The following PCBP3 variants were observed in gnomAD, a reference collection of about 807,000 sequenced individuals.
PCBP3 encodes poly(rC) binding protein 3, also known as poly(rC)-binding protein 3.
Under a neutral mutation model 52.7 loss-of-function variants are expected in PCBP3, and 25 were observed. The observed-to-expected ratio is 0.47, with a 90% CI of 0.35 to 0.66. The LOEUF is 0.66. PCBP3 is among the 30% of genes least tolerant of loss of function. The probability of loss-of-function intolerance (pLI) is 0.01; values close to 1 mark genes in which losing one functional copy is unlikely to be tolerated. For missense variants in PCBP3, 391 were observed against 490.3 expected (o/e 0.80, Z 1.91); for synonymous variants, 162 against 183.0 (o/e 0.89, Z 0.93).
intron 4 of PCBP3, among the ~76,000 whole-genome samples, chr21:45,795,240 G>A (rs2091860451): frequency 6.6e-6 from 1 of 151,508 alleles, no homozygotes; most frequent in Non-Finnish European, 1.5e-5. Context: ...GTATGTTTAC[G>A]AGGAATTTGA....
chr21:45,648,448 C>T (rs2079466675), intron 1 of PCBP3, among the ~76,000 whole-genome samples: 1 of 152,184 alleles, frequency 6.6e-6, no homozygotes, highest in African/African-American at 2.4e-5. Flanking sequence ...ATCCCACTTC[C>T]AGTCTCTCTC....
intron 2 of PCBP3, among the ~76,000 whole-genome samples, chr21:45,687,760 C>T (rs1435519327): frequency 2.0e-5 from 3 of 150,812 alleles, no homozygotes; most frequent in East Asian, 1.9e-4. Context: ...GATGGAGTCT[C>T]GCTATGTTGC....
At chr21:45,859,874 TC>T (rs1381259523) in intron 5 of PCBP3, 1 of 152,142 alleles carries the variant, frequency 6.6e-6, no homozygotes. Context: ...ACCTTTAACT[TC>T]CTTTAAATGG....
chr21:45,730,925 A>C (rs749744669), intron 2 of PCBP3, among the ~76,000 whole-genome samples: 1 of 151,988 alleles, frequency 6.6e-6, no homozygotes, highest in Non-Finnish European at 1.5e-5. Context: ...TTATATTTAA[A>C]GTGGGTTTCT....
chr21:45,782,757 T>A (rs2090738878), intron 4 of PCBP3, among the ~76,000 whole-genome samples: 1 of 152,226 alleles, frequency 6.6e-6, no homozygotes, highest in Admixed American at 6.5e-5. Flanking sequence ...GGGCATATCA[T>A]TATTTGTTGC....
intron 1 of PCBP3, among the ~76,000 whole-genome samples, chr21:45,658,845 T>C (rs1469418448): frequency 6.6e-6 from 1 of 152,198 alleles, no homozygotes; most frequent in African/African-American, 2.4e-5. Flanking sequence ...TATCTTTACT[T>C]GTTTTAGGTT....
At chr21:45,782,354 TAAG>T (rs2090702754) in intron 4 of PCBP3, among the ~76,000 whole-genome samples, 1 of 152,178 alleles carries the variant, frequency 6.6e-6, no homozygotes, top group African/African-American at 2.4e-5. Flanking sequence ...TCATCTATAA[TAAG>T]AATCAAATGG....
chr21:45,914,419 T>G, intron 12 of PCBP3: 1 of 412,584 alleles, frequency 2.4e-6, no homozygotes. Context: ...GACATCCGTG[T>G]TCCCAAACTC....
intron 2 of PCBP3, among the ~76,000 whole-genome samples, chr21:45,697,370 C>T (rs1236693510): frequency 6.6e-6 from 1 of 152,192 alleles, no homozygotes; most frequent in Non-Finnish European, 1.5e-5. Context: ...TATGCTCCAG[C>T]ACAAACTTGT....
At chr21:45,785,523 C>G (rs906188468) in intron 4 of PCBP3, among the ~76,000 whole-genome samples, 1 of 148,714 alleles carries the variant, frequency 6.7e-6, no homozygotes, top group Non-Finnish European at 1.5e-5. Flanking sequence ...GGGGTCAGCC[C>G]CCCGCCCGGC....
At chr21:45,669,217 C>T (rs988525974) in intron 2 of PCBP3, among the ~76,000 whole-genome samples, 12 of 152,116 alleles carry the variant, frequency 7.9e-5, no homozygotes, top group Admixed American at 6.6e-4. Context: ...ATTTTGGCCA[C>T]TCCACTTTAC....
rs531684565 is a variant in PCBP3, at chr21:45,877,661, C to T, written c.11-18547C>T. ...TCTACTAAAAATACAAAAAATTAGC[C>T]GGGTGTGATGGTGGCACGCCTGTAG... On this transcript the variant is annotated intron_variant, in intron 5 of 17. Coordinates refer to ENST00000681687, the MANE Select transcript of PCBP3 (RefSeq NM_001384156.1). Among the ~76,000 whole-genome samples, 14 of 152,248 alleles carry T rather than the reference C, an allele frequency of 9.2e-5. No homozygotes were observed. In the East Asian group the frequency reaches 2.1e-3, roughly 23 times the overall value.
In PCBP3 at chr21:45,827,733, A is replaced by C. The variant is rs774440109; in HGVS notation, c.-125-22228A>C. Among the ~76,000 whole-genome samples, 23 of 152,232 alleles carry C rather than the reference A, an allele frequency of 1.5e-4. 1 individual carries two copies. Among genetic ancestry groups the C allele is most frequent in the Admixed American group, 1.2e-3 (18 of 15,284 alleles). On this transcript the variant is annotated intron_variant, in intron 4 of 17. Coordinates refer to ENST00000681687, the MANE Select transcript of PCBP3 (RefSeq NM_001384156.1). This position sits in a 1 kb window ranked among gnomAD's most constrained non-coding sequence, Gnocchi z 4.3. ...GAACTCAGGGTCCCAGGGAAGTCCA[A>C]GGACTCACTCTTCATGAGACCTCAA...
chr21:45,692,092 G>C (rs1323099292), intron 2 of PCBP3, among the ~76,000 whole-genome samples: 1 of 152,150 alleles, frequency 6.6e-6, no homozygotes, highest in African/African-American at 2.4e-5. Context: ...GAAAAGATCA[G>C]CTCAGAAGCT....
At chr21:45,883,405 C>G (rs1481423005) in intron 5 of PCBP3, among the ~76,000 whole-genome samples, 7 of 152,166 alleles carry the variant, frequency 4.6e-5, no homozygotes, top group African/African-American at 2.4e-5. Context: ...TCGTTAGGCC[C>G]CGTTGGTTGA....
chr21:45,937,523 G>A (rs139733869), intron 16 of PCBP3, among the ~76,000 whole-genome samples: 1 of 152,370 alleles, frequency 6.6e-6, no homozygotes, highest in East Asian at 1.9e-4. Flanking sequence ...TCTCTAGGAG[G>A]AGAGGCTGCA....
chr21:45,914,373 A>C, intron 12 of PCBP3: 1 of 496,096 alleles, frequency 2.0e-6, no homozygotes. Context: ...CTCACGTTGG[A>C]AACAGCATGG....
At chr21:45,654,330 G>A (rs67565220) in intron 1 of PCBP3, among the ~76,000 whole-genome samples, 19,801 of 147,102 alleles carry the variant, frequency 0.13, 1,623 homozygotes, top group Middle Eastern at 0.3. Flanking sequence ...AGCTGATGTA[G>A]ACATTGCATT....
At chr21:45,722,995 C>T (rs1243720425) in intron 2 of PCBP3, among the ~76,000 whole-genome samples, 1 of 151,478 alleles carries the variant, frequency 6.6e-6, no homozygotes, top group Non-Finnish European at 1.5e-5. Flanking sequence ...GCCTGGATGA[C>T]CCAGCAAGAC....
Sources: allele counts gnomAD v4.1 joint callset (sites outside exome capture counted in the v4.1 genomes callset), GRCh38; gene constraint gnomAD v4.1.1; non-coding constraint Gnocchi (gnomAD v3.1); transcripts MANE v1.5; gene names NCBI Gene and HGNC (gene_info 2026-07-23, HGNC 2026-07-21).